The following BAHCC1 variants were observed in gnomAD, a reference collection of about 807,000 sequenced individuals.
BAHCC1 encodes the protein BAH and coiled-coil domain-containing protein 1.
A neutral mutation model predicts 88.2 loss-of-function variants in BAHCC1; 43 were observed. That is an observed-to-expected ratio of 0.49 (90% CI 0.38 to 0.63). The LOEUF (loss-of-function observed/expected upper bound fraction) is 0.63. BAHCC1 is among the 20% of genes least tolerant of loss of function. BAHCC1 has a pLI of 0.00. For synonymous variants in BAHCC1, 1,510 were observed against 745.5 expected, an observed-to-expected ratio of 2.03 and a Z score of -16.71; for missense variants, 3,023 against 1,654.8, an observed-to-expected ratio of 1.83 and a Z score of -14.34.
intron 2 of BAHCC1, among the ~76,000 whole-genome samples, chr17:81,422,368 G>T (rs2064126377): frequency 6.6e-6 from 1 of 152,206 alleles, no homozygotes. Flanking sequence ...CATAATGTTT[G>T]TATGACAAGG....
rs1555655785 is a variant in BAHCC1 at position 81,451,705 on chromosome 17, CCTGGCCACG to C, written c.4023_4031del (p.Leu1342_Thr1344del). On this transcript the variant is annotated inframe_deletion, in exon 12 of 28. Transcript: ENST00000675386. ...ACGTGCTAGCCTTCAACCTGCAGCA[CCTGGCCACG>C]CTGGCCACAGCCTGGTCCCTGGTGG... 1.3e-6 allele frequency: 1 copy of C among 777,064 alleles called. No homozygotes were observed. The allele number at this position is 777,064 out of a possible 1,614,324, so 48.1% of individuals were successfully genotyped here.
intron 4 of BAHCC1, among the ~76,000 whole-genome samples, chr17:81,439,227 C>T (rs900669743): frequency 3.9e-5 from 6 of 152,118 alleles, no homozygotes; most frequent in Non-Finnish European, 7.3e-5. Context: ...TCTGGTAGGG[C>T]GACATCTCAT....
At chr17:81,425,424 A>T in intron 2 of BAHCC1, among the ~76,000 whole-genome samples, 1 of 24,228 alleles carries the variant, frequency 4.1e-5, no homozygotes, top group Non-Finnish European at 6.9e-5. Context: ...TTGGTGGGTG[A>T]TGTGGTTGGT....
intron 13 of BAHCC1, among the ~76,000 whole-genome samples, chr17:81,452,374 C>T (rs1192066508): frequency 2.7e-5 from 4 of 149,322 alleles, no homozygotes; most frequent in Admixed American, 6.7e-5. Context: ...GGAGGCTGGC[C>T]GCAGGGTGGC....
chr17:81,417,555 A>ACCGC lies in BAHCC1; in HGVS notation c.179-9243_179-9242insGCCC, dbSNP rs1555648925. Among the ~76,000 whole-genome samples the ACCGC allele has an allele frequency of 3.8e-3, 502 of 131,432 alleles. 4 individuals carry two copies. The highest frequency in any genetic ancestry group is 0.017 in the East Asian group (76 of 4,546). 86.2% of individuals were successfully genotyped at this position (131,432 alleles called of 152,430 possible). A position where few individuals can be genotyped will look rare whatever the true frequency, so the allele number is the denominator to read the frequency against. On this transcript the variant is annotated intron_variant, in intron 2 of 27. Coordinates refer to ENST00000675386, the MANE Select transcript of BAHCC1 (RefSeq NM_001377448.1). ...AGGGACGCCATGGGGAGCGTCGGCCACCCCCCCCCCGCCCTAGCCAAAGGG... is the reference window on the plus strand; with the variant it reads ...AGGGACGCCATGGGGAGCGTCGGCCACCGCCCCCCCCCCCGCCCTAGCCAAAGGG...
chr17:81,425,257 A>C (rs1318848936), intron 2 of BAHCC1, among the ~76,000 whole-genome samples: 1 of 18,062 alleles, frequency 5.5e-5, no homozygotes, highest in Non-Finnish European at 1.0e-4. Context: ...AGTGGTGATG[A>C]TGTGGTTGGG....
chr17:81,409,560 G>A (rs1555647455), intron 2 of BAHCC1, among the ~76,000 whole-genome samples: 1 of 152,196 alleles, frequency 6.6e-6, no homozygotes, highest in Non-Finnish European at 1.5e-5. Flanking sequence ...ACGCGGGGTC[G>A]CGGGGGTGCA....
intron 2 of BAHCC1, among the ~76,000 whole-genome samples, chr17:81,416,983 G>A (rs539906431): frequency 1.4e-4 from 22 of 152,268 alleles, no homozygotes; most frequent in Non-Finnish European, 2.2e-4. Flanking sequence ...ATCCGTTGCC[G>A]TGTTGTCCCC....
Position 81,463,876 on chromosome 17 carries a change from T to C in BAHCC1, c.*59T>C. On this transcript the variant is annotated 3_prime_UTR_variant, in exon 28 of 28. Coordinates refer to ENST00000675386, the MANE Select transcript of BAHCC1 (RefSeq NM_001377448.1). ...GGGACCCTGTGTGCGGAGCCTGGCG[T>C]CGGCCAAGCCACCGGGCAGGAGGCA... 1 of 692,028 alleles carries C rather than the reference T, an allele frequency of 1.4e-6. No individual in the cohort carries two copies. The highest frequency in any genetic ancestry group is 2.6e-6 in the Non-Finnish European group (1 of 377,980). 42.9% of individuals were successfully genotyped at this position (692,028 alleles called of 1,614,324 possible).
chr17:81,418,788 C>CGT (rs1393659232), intron 2 of BAHCC1, among the ~76,000 whole-genome samples: 31 of 4,276 alleles, frequency 7.2e-3, no homozygotes, highest in Non-Finnish European at 2.9e-3. Context: ...TGTGTGTGTA[C>CGT]GTGTGTGCGT....
intron 11 of BAHCC1, among the ~76,000 whole-genome samples, chr17:81,448,952 G>T (rs1009610528): frequency 2.5e-4 from 38 of 152,304 alleles, no homozygotes; most frequent in Non-Finnish European, 4.9e-4. Context: ...GGCACCTTGG[G>T]GCAGGGCCTG....
At chr17:81,430,614 G>A (rs1201636189) in intron 3 of BAHCC1, among the ~76,000 whole-genome samples, 1 of 152,190 alleles carries the variant, frequency 6.6e-6, no homozygotes, top group African/African-American at 2.4e-5. Context: ...GAGTGAGCAG[G>A]AGCTGGGACC....
At chr17:81,403,853 C>T (rs987944678) in intron 2 of BAHCC1, among the ~76,000 whole-genome samples, 5 of 152,188 alleles carry the variant, frequency 3.3e-5, no homozygotes, top group South Asian at 2.1e-4. Context: ...TGGCCCGCCA[C>T]GCCCGCCCCG....
At chr17:81,429,137 C>T (rs2064232612) in intron 3 of BAHCC1, among the ~76,000 whole-genome samples, 1 of 152,206 alleles carries the variant, frequency 6.6e-6, no homozygotes, top group Non-Finnish European at 1.5e-5. Flanking sequence ...GGGGTGGGCA[C>T]GTGTGCGGGA....
chr17:81,414,081 G>A lies in BAHCC1; in HGVS notation c.179-12719G>A, dbSNP rs754242133. On this transcript the variant is annotated intron_variant, in intron 2 of 27. Coordinates refer to ENST00000675386, the MANE Select transcript of BAHCC1 (RefSeq NM_001377448.1). The stretch of plus-strand genomic sequence containing the variant: ...TCTCTAGACTCTCCTCTGAAGCTGT[G>A]GGGGTGCCTTCTGAGCCCTGACCCG... Among the ~76,000 whole-genome samples, 160 of 152,300 alleles carry A rather than the reference G, an allele frequency of 1.1e-3. 1 individual carries two copies. The highest frequency in any genetic ancestry group is 1.8e-3 in the Non-Finnish European group (124 of 68,010).
rs1386969727 is a variant in BAHCC1, at chr17:81,425,777, GTGA to G, written c.179-1017_179-1015del. 2.1e-3 allele frequency among the ~76,000 whole-genome samples: 310 copies of G among 144,952 alleles called. 2 individuals are homozygous for G. The highest frequency in any genetic ancestry group is 7.3e-3 in the African/African-American group (278 of 37,884). ...GATGTGGTTGGTGGTGATGTGGTTG[GTGA>G]TGATGTGGTTGAGGGTGATGGTGGG... On this transcript the variant is annotated intron_variant, in intron 2 of 27. Coordinates refer to ENST00000675386, the MANE Select transcript of BAHCC1 (RefSeq NM_001377448.1).
chr17:81,457,045 G>C (rs2064762721), intron 16 of BAHCC1, among the ~76,000 whole-genome samples: 1 of 152,140 alleles, frequency 6.6e-6, no homozygotes, highest in South Asian at 2.1e-4. Context: ...AGATGCCTGA[G>C]AAAGAACAAA....
rs2030526076 is a variant in BAHCC1, at chr17:81,463,994, T to A, written c.*177T>A. The A allele has an allele frequency of 8.2e-6, 5 of 607,212 alleles. No homozygotes were observed. The highest frequency in any genetic ancestry group is 1.5e-5 in the Non-Finnish European group (5 of 339,612). 37.6% of individuals were successfully genotyped at this position (607,212 alleles called of 1,614,324 possible). ...TTACGGTTTTCCCTGGAAAGAGCGCTCCAGGTGTCGGAATCCAGTCCCGTC... is the reference window on the plus strand; with the variant it reads ...TTACGGTTTTCCCTGGAAAGAGCGCACCAGGTGTCGGAATCCAGTCCCGTC... On this transcript the variant is annotated 3_prime_UTR_variant, in exon 28 of 28. Coordinates refer to ENST00000675386, the MANE Select transcript of BAHCC1 (RefSeq NM_001377448.1).
At chr17:81,443,988 G>C (rs540152693) in intron 6 of BAHCC1, 71 bp downstream of exon 6, 1 of 689,634 alleles carries the variant, frequency 1.5e-6, no homozygotes, top group East Asian at 2.7e-5. Context: ...TCAGAGCCAC[G>C]TGGAGAAAGA....
Sources: gnomAD v4.1 joint callset for allele counts (sites outside exome capture counted in the v4.1 genomes callset) on GRCh38, gnomAD v4.1.1 for gene constraint, MANE v1.5 for transcripts, NCBI Gene and HGNC (gene_info 2026-07-23, HGNC 2026-07-21) for gene names.